SMC3: variants seen among roughly 807,000 people sequenced by gnomAD.
SMC3 encodes structural maintenance of chromosomes protein 3.
SMC3 carries 20 observed loss-of-function variants against 171.8 expected under a neutral mutation model. That is an observed-to-expected ratio of 0.12 (90% CI 0.08 to 0.17). SMC3 has a LOEUF of 0.17. Among genes scored for constraint, SMC3 ranks in the 10% least tolerant of loss-of-function variants. The probability of loss-of-function intolerance (pLI) is 1.00; values close to 1 mark genes in which losing one functional copy is unlikely to be tolerated. For synonymous variants in SMC3, 464 were observed against 451.1 expected (o/e 1.03, Z -0.36); for missense variants, 543 against 1,420.4 (o/e 0.38, Z 9.93).
In SMC3 at chr10:110,604,586, T is replaced by G; in HGVS notation, c.*284T>G. On this transcript the variant is annotated 3_prime_UTR_variant, in exon 29 of 29. Transcript: ENST00000361804. ...ATTCTTTCCTAATTATTTTATCACT[T>G]ATACTACCTTTTTTATAGCTTCAAT... 1 of 359,700 alleles carries G rather than the reference T, an allele frequency of 2.8e-6. No homozygotes were observed. Among genetic ancestry groups the G allele is most frequent in the Non-Finnish European group, 5.2e-6 (1 of 193,702 alleles). 22.3% of individuals were successfully genotyped at this position (359,700 alleles called of 1,614,324 possible).
intron 18 of SMC3, among the ~76,000 whole-genome samples, chr10:110,594,756 T>G (rs1308043875): frequency 6.6e-6 from 1 of 151,980 alleles, no homozygotes; most frequent in African/African-American, 2.4e-5. Context: ...GTTGTGGTTG[T>G]TTTTGAACCA....
intron 10 of SMC3, 143 bp from the exon 11 acceptor site, chr10:110,583,241 T>A (rs745520912): frequency 1.3e-5 from 9 of 699,918 alleles, no homozygotes; most frequent in Non-Finnish European, 2.2e-5. Flanking sequence ...AATTATGGAA[T>A]GATTACACAA....
At chr10:110,567,936 C>G (rs1860799347) in intron 1 of SMC3, 105 bp downstream of exon 1, 4 of 1,377,470 alleles carry the variant, frequency 2.9e-6, no homozygotes, top group Non-Finnish European at 4.1e-6. Context: ...TCTCCACAGG[C>G]TGGACCAGGG....
intron 22 of SMC3, 45 bp from the exon 23 acceptor site, chr10:110,600,977 A>T: frequency 7.3e-7 from 1 of 1,375,084 alleles, no homozygotes; most frequent in Non-Finnish European, 1.0e-6. Context: ...AAATGTTGGC[A>T]GTCATAACAT....
At chr10:110,587,478 G>A (rs1222596502) in intron 13 of SMC3, among the ~76,000 whole-genome samples, 1 of 152,110 alleles carries the variant, frequency 6.6e-6, no homozygotes, top group Non-Finnish European at 1.5e-5. Context: ...TCAGGAGATC[G>A]AGACCATCCA....
chr10:110,580,921 A>G lies in SMC3; in HGVS notation c.447A>G (p.Thr149=). Reference sequence around the variant, plus strand: ...AATTTTAGATCAACCAGATGGCAACAGCACCAGATTCTCAGAGATTAAAGC... The same window carrying G: ...AATTTTAGATCAACCAGATGGCAACGGCACCAGATTCTCAGAGATTAAAGC... ...VKQGKINQMA[T]APDSQRLKLL... is the part of the protein sequence containing the mutation. Residue 149 remains threonine (T), a synonymous_variant, in exon 8 of 29, where the codon ACA becomes ACG. Transcript: ENST00000361804. The G allele has an allele frequency of 6.2e-7, 1 of 1,603,570 alleles. No homozygotes were observed.
Position 110,596,442 on chromosome 10 carries a change from G to T in SMC3, c.2008G>T (p.Asp670Tyr). The change falls in exon 19 of 29, where the codon GAC becomes TAC. Residue 670 changes from aspartate to tyrosine, a missense_variant. By Grantham distance (160) the Asp-to-Tyr change is radical. This residue lies in a region of SMC3 where 218 missense variants were observed against 509.6 expected (regional missense o/e 0.43). Transcript: ENST00000361804. Reference protein sequence around the residue: ...HRGALTGGYYDTRKSRLELQK... With the variant: ...HRGALTGGYYYTRKSRLELQK... ...GGGTGCTCTAACTGGGGGTTATTAT[G>T]ACACAAGGAAGTCTCGACTTGAATT... The T allele has an allele frequency of 6.2e-7, 1 of 1,613,990 alleles. No homozygotes were observed. The highest frequency in any genetic ancestry group is 1.1e-5 in the South Asian group (1 of 91,050).
chr10:110,593,043 ATC>A (rs756863347), intron 17 of SMC3, 28 bp from the exon 18 acceptor site: 1 of 1,580,788 alleles, frequency 6.3e-7, no homozygotes, highest in Non-Finnish European at 8.7e-7. Context: ...CTGTGTTGTG[ATC>A]TCTCTGTTGA....
rs1861303219 is a variant in SMC3 at position 110,596,553 on chromosome 10, A to G, written c.2116+3A>G. The G allele has an allele frequency of 6.2e-7, 1 of 1,613,674 alleles. No homozygotes were observed. ...AAACCTGCGCAGAAATATTGAAAAT[A>G]TCTTTTTGTTTTGTGCATAGTGATA... is the stretch of plus-strand genomic sequence containing the variant. On this transcript the variant is annotated splice_donor_region_variant and intron_variant, in intron 19 of 28. Transcript: ENST00000361804.
At position 110,605,848 on chromosome 10, in the gene SMC3, A is replaced by G. The variant is rs1212152485; in HGVS notation, c.*1546A>G. On this transcript the variant is annotated 3_prime_UTR_variant, in exon 29 of 29. Coordinates refer to ENST00000361804, the MANE Select transcript of SMC3 (RefSeq NM_005445.4). The stretch of plus-strand genomic sequence containing the variant: ...GCTTGGTGTATAGTTTACGATTTGT[A>G]GAGTTGCTCTGATATGACCAACCCC... Among the ~76,000 whole-genome samples, 1 of 152,236 alleles carries G rather than the reference A, an allele frequency of 6.6e-6. No homozygotes were observed. The highest frequency in any genetic ancestry group is 6.5e-5 in the Admixed American group (1 of 15,288).
intron 2 of SMC3, among the ~76,000 whole-genome samples, chr10:110,573,357 A>C (rs1387241473): frequency 2.6e-5 from 4 of 152,170 alleles, no homozygotes; most frequent in Non-Finnish European, 4.4e-5. Flanking sequence ...TGAATCTTTA[A>C]ATTGTTAAAC....
intron 6 of SMC3, among the ~76,000 whole-genome samples, chr10:110,578,167 G>T (rs770866955): frequency 6.6e-6 from 1 of 152,004 alleles, no homozygotes; most frequent in African/African-American, 2.4e-5. Context: ...TCCACCTCCC[G>T]GGTTCAAGCT....
intron 2 of SMC3, among the ~76,000 whole-genome samples, chr10:110,572,192 TAA>T (rs1860882697): frequency 6.6e-6 from 1 of 152,230 alleles, no homozygotes; most frequent in Non-Finnish European, 1.5e-5. Flanking sequence ...CCTTTTTCCT[TAA>T]AGTTATTTAC....
At chr10:110,584,150 C>T (rs780998475) in intron 12 of SMC3, 33 bp from the exon 13 acceptor site, 2 of 1,592,440 alleles carry the variant, frequency 1.3e-6, no homozygotes, top group Non-Finnish European at 1.7e-6. Flanking sequence ...TTATTATTCT[C>T]CTTTTCATCC....
intron 18 of SMC3, among the ~76,000 whole-genome samples, chr10:110,595,848 C>T (rs1234150366): frequency 6.7e-6 from 1 of 149,920 alleles, no homozygotes; most frequent in Admixed American, 6.6e-5. Flanking sequence ...GTCCTGTGTC[C>T]TACTAATATT....
chr10:110,603,307 T>C lies in SMC3; in HGVS notation c.3582+17T>C, dbSNP rs1254919078. On this transcript the variant is annotated intron_variant, in intron 28 of 28. Transcript: ENST00000361804. The stretch of plus-strand genomic sequence containing the variant: ...AGAAATAAGGTAATTTTATTTTACA[T>C]TGAGTTTAAGTTTGTATTTATTCAA... 1 of 1,425,204 alleles carries C rather than the reference T, an allele frequency of 7.0e-7. No homozygotes were observed. Among genetic ancestry groups the C allele is most frequent in the Middle Eastern group, 2.2e-4 (1 of 4,588 alleles). 88.3% of individuals were successfully genotyped at this position (1,425,204 alleles called of 1,614,324 possible).
chr10:110,596,636 C>G, intron 19 of SMC3, 86 bp downstream of exon 19: 1 of 1,288,230 alleles, frequency 7.8e-7, no homozygotes. Context: ...TGTTTTTTCA[C>G]ATATTAAAAA....
intron 15 of SMC3, 23 bp downstream of exon 15, chr10:110,590,014 C>A: frequency 6.3e-7 from 1 of 1,583,628 alleles, no homozygotes; most frequent in Non-Finnish European, 8.7e-7. Context: ...TTTTCATCAC[C>A]TCTGTTTACA....
At position 110,591,104 on chromosome 10, in the gene SMC3, T is replaced by C; in HGVS notation, c.1784T>C (p.Val595Ala). ...TTTCTGCCTCTTAACAAGTTAGATGTCAGGGATACAGCCTATCCTGAAACC... is the reference window on the plus strand; with the variant it reads ...TTTCTGCCTCTTAACAAGTTAGATGCCAGGGATACAGCCTATCCTGAAACC... Reference protein sequence around the residue: ...VTFLPLNKLDVRDTAYPETND... With the variant: ...VTFLPLNKLDARDTAYPETND... The change falls in exon 17 of 29, where the codon GTC becomes GCC. Residue 595 changes from valine to alanine, a missense_variant. Val to Ala is a moderately conservative substitution (Grantham distance 64). Transcript: ENST00000361804. 6.2e-7 allele frequency: 1 copy of C among 1,613,942 alleles called. No individual in the cohort carries two copies. The highest frequency in any genetic ancestry group is 8.5e-7 in the Non-Finnish European group (1 of 1,179,900).
Sources: gnomAD v4.1 joint callset for allele counts (sites outside exome capture counted in the v4.1 genomes callset) on GRCh38, gnomAD v4.1.1 for gene constraint, gnomAD v4.1.1 regional missense constraint, MANE v1.5 for transcripts, NCBI Gene and HGNC (gene_info 2026-07-23, HGNC 2026-07-21) for gene names.